Variants in AATF observed in about 807,000 individuals in gnomAD.
The protein encoded by AATF is protein AATF.
In AATF, 48 loss-of-function variants were observed where a neutral mutation model predicts 63.7. That is an observed-to-expected ratio of 0.75 (90% CI 0.60 to 0.96). The LOEUF is 0.96. Ranked by LOEUF, AATF falls within the 40% of genes least tolerant of loss-of-function variation. The pLI is 0.00. For missense variants in AATF, 639 were observed against 685.7 expected (o/e 0.93, Z 0.76); for synonymous variants, 258 against 247.7 (o/e 1.04, Z -0.39).
chr17:37,011,810 T>TAA (rs1233380752), intron 8 of AATF, among the ~76,000 whole-genome samples: 1 of 152,146 alleles, frequency 6.6e-6, no homozygotes, highest in African/African-American at 2.4e-5. Context: ...TCTTGAGACC[T>TAA]TAGCACAGGT....
chr17:36,969,447 A>G (rs948731937), intron 4 of AATF, among the ~76,000 whole-genome samples: 1 of 152,170 alleles, frequency 6.6e-6, no homozygotes, highest in African/African-American at 2.4e-5. Context: ...AAATAAGAAG[A>G]TATGATATTT....
At chr17:36,966,455 A>G (rs2070992084) in intron 4 of AATF, among the ~76,000 whole-genome samples, 1 of 151,076 alleles carries the variant, frequency 6.6e-6, no homozygotes, top group Admixed American at 6.6e-5. Context: ...TCTGGTAGAG[A>G]TGAGGTCTCA....
chr17:37,035,376 G>A (rs2071583680), intron 11 of AATF, among the ~76,000 whole-genome samples: 1 of 150,408 alleles, frequency 6.6e-6, no homozygotes, highest in African/African-American at 2.4e-5. Flanking sequence ...GCACCACCAT[G>A]CACACACGCC....
At chr17:37,005,200 TGAAA>T (rs2142268848) in intron 8 of AATF, among the ~76,000 whole-genome samples, 1 of 152,374 alleles carries the variant, frequency 6.6e-6, no homozygotes, top group South Asian at 2.1e-4. Flanking sequence ...TTCTAAAATA[TGAAA>T]CATTCTGAAT....
At chr17:36,964,950 T>G (rs2070979887) in intron 4 of AATF, among the ~76,000 whole-genome samples, 2 of 152,194 alleles carry the variant, frequency 1.3e-5, no homozygotes, top group Admixed American at 1.3e-4. Context: ...TCTCTTTTGT[T>G]ATCTCAGTTT....
chr17:36,983,710 T>C (rs953188992), intron 4 of AATF, among the ~76,000 whole-genome samples: 3 of 152,160 alleles, frequency 2.0e-5, no homozygotes, highest in African/African-American at 7.2e-5. Flanking sequence ...AACAAAGGCA[T>C]TTTGAGTTTT....
intron 8 of AATF, among the ~76,000 whole-genome samples, chr17:37,005,504 C>A (rs2071334958): frequency 6.6e-6 from 1 of 152,182 alleles, no homozygotes; most frequent in Non-Finnish European, 1.5e-5. Flanking sequence ...GCTTTTGGTT[C>A]TTAAGGGACA....
intron 4 of AATF, among the ~76,000 whole-genome samples, chr17:36,967,210 G>A (rs1225526854): frequency 6.6e-6 from 1 of 151,836 alleles, no homozygotes; most frequent in Non-Finnish European, 1.5e-5. Context: ...CATACTTTCT[G>A]GTTATGTTAT....
At chr17:37,028,081 A>G (rs1011599964) in intron 10 of AATF, among the ~76,000 whole-genome samples, 2 of 152,224 alleles carry the variant, frequency 1.3e-5, no homozygotes, top group African/African-American at 4.8e-5. Flanking sequence ...TCAAGTTTAC[A>G]TATACATACC....
chr17:36,990,664 A>C (rs1328609596), intron 7 of AATF, 110 bp from the exon 8 acceptor site: 1 of 714,542 alleles, frequency 1.4e-6, no homozygotes, highest in East Asian at 3.1e-5. Flanking sequence ...AGAACTTTTT[A>C]TATCTTAAGG....
intron 4 of AATF, among the ~76,000 whole-genome samples, chr17:36,962,565 A>T (rs1339464073): frequency 2.1e-5 from 3 of 145,532 alleles, no homozygotes; most frequent in Admixed American, 1.4e-4. Flanking sequence ...ATCAGAAACA[A>T]TTTTTTTTTT....
intron 4 of AATF, among the ~76,000 whole-genome samples, chr17:36,964,469 C>T (rs1383503043): frequency 2.6e-5 from 4 of 151,768 alleles, no homozygotes; most frequent in Admixed American, 6.6e-5. Context: ...ATTGCGCCAC[C>T]GCACTCCAGC....
intron 4 of AATF, among the ~76,000 whole-genome samples, chr17:36,961,253 T>G (rs1475049567): frequency 6.6e-6 from 1 of 152,256 alleles, no homozygotes; most frequent in Non-Finnish European, 1.5e-5. Flanking sequence ...AGCTATTCAC[T>G]TGTATAAAAC....
intron 10 of AATF, among the ~76,000 whole-genome samples, chr17:37,029,400 C>T (rs1435307013): frequency 4.0e-5 from 6 of 151,736 alleles, no homozygotes; most frequent in African/African-American, 9.7e-5. Context: ...CACACCACCA[C>T]GCCCGGCTAA....
At chr17:36,950,469 G>A (rs1208075528) in intron 2 of AATF, 64 bp downstream of exon 2, 8 of 1,479,930 alleles carry the variant, frequency 5.4e-6, no homozygotes, top group South Asian at 4.8e-5. Flanking sequence ...AAAATCCTCC[G>A]GTCATCCCCC....
chr17:37,048,373 T>C (rs1441608439), intron 11 of AATF, among the ~76,000 whole-genome samples: 4 of 141,770 alleles, frequency 2.8e-5, no homozygotes, highest in African/African-American at 5.3e-5. Context: ...CTTTTTTTTT[T>C]TTTTTTTTTT....
At chr17:36,998,442 T>C (rs991398391) in intron 8 of AATF, among the ~76,000 whole-genome samples, 4 of 152,202 alleles carry the variant, frequency 2.6e-5, no homozygotes, top group Admixed American at 1.3e-4. Context: ...TCTGACACAT[T>C]ATACTCCCTT....
chr17:37,003,675 C>A (rs553929494), intron 8 of AATF, among the ~76,000 whole-genome samples: 4 of 150,442 alleles, frequency 2.7e-5, no homozygotes, highest in Non-Finnish European at 5.9e-5. Context: ...CCGTGTTGCC[C>A]AGGCTGGTCT....
chr17:36,983,348 T>TTTTTTG (rs1419430940), intron 4 of AATF, among the ~76,000 whole-genome samples: 2 of 151,914 alleles, frequency 1.3e-5, no homozygotes, highest in Non-Finnish European at 2.9e-5. Flanking sequence ...AGGCCTTAGT[T>TTTTTTG]TTTTTGTTTT....
Sources: allele counts gnomAD v4.1 joint callset (sites outside exome capture counted in the v4.1 genomes callset), GRCh38; gene constraint gnomAD v4.1.1; transcripts MANE v1.5; gene names NCBI Gene and HGNC (gene_info 2026-07-23, HGNC 2026-07-21).